The following SHMT1 variants were observed in gnomAD, a reference collection of about 807,000 sequenced individuals.
The protein encoded by SHMT1 is serine hydroxymethyltransferase, cytosolic.
Under a neutral mutation model 49.0 loss-of-function variants are expected in SHMT1, and 45 were observed. The ratio of observed to expected loss-of-function variants is 0.92; its 90% CI spans 0.72 to 1.18. SHMT1 has a LOEUF of 1.18. Among genes scored for constraint, SHMT1 ranks in the 50% most tolerant of loss-of-function variants. The probability of loss-of-function intolerance (pLI) is 0.00; values close to 1 mark genes in which losing one functional copy is unlikely to be tolerated. For missense variants in SHMT1, 541 were observed against 612.4 expected (o/e 0.88, Z 1.23); for synonymous variants, 232 against 246.6 (o/e 0.94, Z 0.55).
Position 18,363,534 on chromosome 17 carries a change from G to A in SHMT1, c.-182C>T, listed in dbSNP as rs117093579. 0.017 allele frequency: 2,562 copies of A among 152,394 alleles called. 29 individuals carry two copies. Among genetic ancestry groups the A allele is most frequent in the Middle Eastern group, 0.034 (10 of 294 alleles). 9.4% of individuals were successfully genotyped at this position (152,394 alleles called of 1,614,324 possible). A position where few individuals can be genotyped will look rare whatever the true frequency, so the allele number is the denominator to read the frequency against. ...TCGAGCTCAGGAAGGTGCACTCTGC[G>A]CGCCAGGCTTGGGCTTGGCCCCGCC... is the stretch of plus-strand genomic sequence containing the variant. On this transcript the variant is annotated 5_prime_UTR_variant, in exon 1 of 12. Transcript: ENST00000316694.
chr17:18,357,463 G>A (rs965881492), intron 1 of SHMT1, among the ~76,000 whole-genome samples: 5 of 152,082 alleles, frequency 3.3e-5, no homozygotes, highest in South Asian at 2.1e-4. Context: ...ACAGGATATA[G>A]GCAGTTGGGA....
chr17:18,333,121 T>C (rs952554047), intron 9 of SHMT1, 45 bp downstream of exon 9: 19 of 1,611,836 alleles, frequency 1.2e-5, no homozygotes, highest in Non-Finnish European at 1.5e-5. Flanking sequence ...CAAGCCTTAA[T>C]ACAACCACAA....
intron 5 of SHMT1, among the ~76,000 whole-genome samples, chr17:18,343,608 CAA>C (rs761435848): frequency 2.0e-4 from 9 of 46,040 alleles, no homozygotes; most frequent in Non-Finnish European, 3.0e-4. Context: ...AACTTTGTCT[CAA>C]AAAAAAAAAA....
chr17:18,348,553 T>G, intron 3 of SHMT1, 113 bp from the exon 4 acceptor site: 1 of 794,042 alleles, frequency 1.3e-6, no homozygotes. Flanking sequence ...AGAGAAGTAA[T>G]GAGAAGAGCT....
intron 1 of SHMT1, among the ~76,000 whole-genome samples, chr17:18,357,755 G>A (rs2151607496): frequency 6.6e-6 from 1 of 151,898 alleles, no homozygotes; most frequent in South Asian, 2.1e-4. Context: ...TGTAACCCCA[G>A]CACTTTGGGA....
chr17:18,361,312 A>AAC (rs1555589384), intron 1 of SHMT1, among the ~76,000 whole-genome samples: 2 of 149,952 alleles, frequency 1.3e-5, no homozygotes, highest in Non-Finnish European at 3.0e-5. Context: ...AAAAAAAAAA[A>AAC]AAACAAAAAC....
At chr17:18,353,479 C>A in intron 3 of SHMT1, 193 bp downstream of exon 3, 1 of 701,506 alleles carries the variant, frequency 1.4e-6, no homozygotes. Context: ...CCCCTGAGTA[C>A]ACCTGCGCTG....
chr17:18,331,667 G>A (rs1354805102), intron 9 of SHMT1: 2 of 152,294 alleles, frequency 1.3e-5, no homozygotes, highest in Admixed American at 1.3e-4. Flanking sequence ...ACAACTCCAA[G>A]GGTGGCTCCC....
intron 10 of SHMT1, among the ~76,000 whole-genome samples, chr17:18,329,930 C>T (rs564480731): frequency 2.9e-4 from 44 of 152,296 alleles, no homozygotes; most frequent in African/African-American, 9.6e-4. Flanking sequence ...GGCGCAGTCT[C>T]GGCTCAATGC....
At position 18,347,571 on chromosome 17, in the gene SHMT1, G is replaced by A. The variant is rs1229755764; in HGVS notation, c.444C>T (p.His148=). ...TGTCTGTCATGAACCCATGGGTCAG[G>A]TGGCCCCCATCCGGAAGGTCCAGGC... ...IMGLDLPDGG[H]LTHGFMTDKK... Residue 148 remains histidine, a synonymous_variant, in exon 5 of 12, where the codon CAC becomes CAT. Coordinates refer to ENST00000316694, the MANE Select transcript of SHMT1 (RefSeq NM_004169.5). 2.5e-6 allele frequency: 4 copies of A among 1,614,194 alleles called. No homozygotes were observed. Among genetic ancestry groups the A allele is most frequent in the Non-Finnish European group, 1.7e-6 (2 of 1,180,044 alleles).
chr17:18,333,997 G>A (rs1425945320), intron 8 of SHMT1, among the ~76,000 whole-genome samples: 1 of 152,066 alleles, frequency 6.6e-6, no homozygotes, highest in Non-Finnish European at 1.5e-5. Flanking sequence ...GGAGTGCAGT[G>A]GTGCAATCTC....
Position 18,340,038 on chromosome 17 carries a change from C to T in SHMT1, c.814+5G>A. On this transcript the variant is annotated splice_donor_5th_base_variant and intron_variant, in intron 7 of 11. Transcript: ENST00000316694. The surrounding 1 kb of genome is among the most constrained non-coding windows in gnomAD (Gnocchi z 4.5). ...CCCATCTGTACCCAACATTCGGGAG[C>T]TCACCTTTCCTGTAGAAGATCATGC... 1 of 1,612,888 alleles carries T rather than the reference C, an allele frequency of 6.2e-7. No homozygotes were observed. The highest frequency in any genetic ancestry group is 8.5e-7 in the Non-Finnish European group (1 of 1,179,958).
intron 2 of SHMT1, among the ~76,000 whole-genome samples, chr17:18,355,480 C>A (rs1986155996): frequency 6.6e-6 from 1 of 151,878 alleles, no homozygotes; most frequent in Non-Finnish European, 1.5e-5. Context: ...GTGGAGGTTG[C>A]AGTGAGCCAA....
rs181527769 is a variant in SHMT1, at chr17:18,335,420, T to C, written c.931+139A>G. ...CCTTAGGCCAGTCTCAACCATGCCCTACTCTGTGTTAGCATCTCCTGCACA... is the reference window on the plus strand; with the variant it reads ...CCTTAGGCCAGTCTCAACCATGCCCCACTCTGTGTTAGCATCTCCTGCACA... On this transcript the variant is annotated intron_variant, in intron 8 of 11. Transcript: ENST00000316694. 79 of 706,726 alleles carry C rather than the reference T, an allele frequency of 1.1e-4. 1 individual carries two copies. The East Asian group carries it at 1.9e-3, about 17-fold the overall frequency. 43.8% of individuals were successfully genotyped at this position (706,726 alleles called of 1,614,324 possible). A position where few individuals can be genotyped will look rare whatever the true frequency, so the allele number is the denominator to read the frequency against.
At chr17:18,341,005 C>T in intron 5 of SHMT1, 192 bp from the exon 6 acceptor site, 1 of 628,186 alleles carries the variant, frequency 1.6e-6, no homozygotes, top group Non-Finnish European at 2.9e-6. Context: ...ACCCAGGAGT[C>T]CCTGAGGAGT....
intron 7 of SHMT1, among the ~76,000 whole-genome samples, chr17:18,337,833 C>T (rs1453312489): frequency 6.6e-5 from 10 of 152,236 alleles, no homozygotes; most frequent in Admixed American, 1.3e-4. Flanking sequence ...CTCGGCCTCC[C>T]GAGGTGCCGG....
At chr17:18,358,710 T>TG (rs1425322709) in intron 1 of SHMT1, among the ~76,000 whole-genome samples, 2 of 151,538 alleles carry the variant, frequency 1.3e-5, no homozygotes. Flanking sequence ...AAGACTGGCC[T>TG]GGGCAACATG....
Position 18,340,382 on chromosome 17 carries a change from AAAATGGAG to A in SHMT1, c.602-135_602-128del. The stretch of plus-strand genomic sequence containing the variant: ...TTTCTTCCCTTAAAGTCTCAGAGCA[AAAATGGAG>A]AATGCCCTCAAAAAGCACCTCTGTG... On this transcript the variant is annotated intron_variant, in intron 6 of 11. Transcript: ENST00000316694. This position sits in a 1 kb window ranked among gnomAD's most constrained non-coding sequence, Gnocchi z 4.5. 5.0e-6 allele frequency: 5 copies of A among 1,006,556 alleles called. No homozygotes were observed. The South Asian group carries it at 6.7e-5, about 14-fold the overall frequency. The allele number at this position is 1,006,556 out of a possible 1,614,324, so 62.4% of individuals were successfully genotyped here. A position where few individuals can be genotyped will look rare whatever the true frequency, so the allele number is the denominator to read the frequency against.
At chr17:18,336,687 G>A (rs543448844) in intron 7 of SHMT1, among the ~76,000 whole-genome samples, 62 of 152,082 alleles carry the variant, frequency 4.1e-4, no homozygotes, top group Admixed American at 1.6e-3. Flanking sequence ...AAAAGTCCAT[G>A]TAATCCCAGC....
Sources: gnomAD v4.1 joint callset for allele counts (sites outside exome capture counted in the v4.1 genomes callset) on GRCh38, gnomAD v4.1.1 for gene constraint, Gnocchi (gnomAD v3.1) non-coding constraint, MANE v1.5 for transcripts, NCBI Gene and HGNC (gene_info 2026-07-23, HGNC 2026-07-21) for gene names.